Variants in RPGR observed in about 807,000 individuals in gnomAD.
The protein encoded by RPGR is retinitis pigmentosa GTPase regulator.
Under a neutral mutation model 56.3 loss-of-function variants are expected in RPGR, and 10 were observed. The ratio of observed to expected loss-of-function variants is 0.18; its 90% CI spans 0.11 to 0.30. RPGR has a LOEUF of 0.30. Among genes scored for constraint, RPGR ranks in the 10% least tolerant of loss-of-function variants. The probability of loss-of-function intolerance (pLI) is 1.00; values close to 1 mark genes in which losing one functional copy is unlikely to be tolerated. For synonymous variants in RPGR, 197 were observed against 212.9 expected (o/e 0.93, Z 0.65); for missense variants, 538 against 590.9 (o/e 0.91, Z 0.93).
rs1167508841 is a variant in RPGR, at chrX:38,269,519, CTT to C, written c.*105_*106del. Reference sequence around the variant, plus strand: ...AGAAGCTGAATAAAACATATTAAGTCTTATATCTTTTAAAGACTACTATCAGA... The same window carrying C: ...AGAAGCTGAATAAAACATATTAAGTCATATCTTTTAAAGACTACTATCAGA... On this transcript the variant is annotated 3_prime_UTR_variant, in exon 19 of 19. Transcript: ENST00000642395. The C allele has an allele frequency of 1.1e-5, 6 of 550,613 alleles. No homozygotes were observed. The highest frequency in any genetic ancestry group is 6.1e-5 in the Admixed American group (2 of 32,865). The allele number at this position is 550,613 out of a possible 1,213,427, so 45.4% of individuals were successfully genotyped here.
At chrX:38,312,189 T>G (rs1277235079) in intron 6 of RPGR, among the ~76,000 whole-genome samples, 1 of 111,776 alleles carries the variant, frequency 8.9e-6, no homozygotes, top group Non-Finnish European at 1.9e-5. Flanking sequence ...TGAAGTTTTA[T>G]GGACCACAGT....
chrX:38,286,693 T>A, intron 15 of RPGR: 1 of 1,150,675 alleles, frequency 8.7e-7, no homozygotes, highest in Non-Finnish European at 1.2e-6. Flanking sequence ...TTCCTCCTTT[T>A]CACGTTCTCC....
chrX:38,285,985 CCCTCTCCTTCTT>C (rs2067130013), intron 15 of RPGR: 2 of 855,515 alleles, frequency 2.3e-6, no homozygotes, highest in Non-Finnish European at 3.0e-6. Flanking sequence ...TTCTTCCTCT[CCCTCTCCTTCTT>C]CCTCCCCTTC....
At chrX:38,276,489 T>C in intron 16 of RPGR, 2 of 836,037 alleles carry the variant, frequency 2.4e-6, no homozygotes, top group Non-Finnish European at 3.5e-6. Flanking sequence ...TGGGAGTATT[T>C]CTGATCCCAA....
chrX:38,322,153 G>A (rs1288751689), intron 3 of RPGR, among the ~76,000 whole-genome samples: 2 of 111,953 alleles, frequency 1.8e-5, no homozygotes, highest in East Asian at 5.5e-4. Context: ...GAAATTTTGA[G>A]CTGAAATTAA....
chrX:38,322,677 T>C (rs1451510387), intron 3 of RPGR, among the ~76,000 whole-genome samples, 176 bp downstream of exon 3: 1 of 112,326 alleles, frequency 8.9e-6, no homozygotes, highest in South Asian at 3.6e-4. Flanking sequence ...TTTTAGACCC[T>C]AACATATAAA....
At chrX:38,283,377 AT>A (rs2067066814) in intron 15 of RPGR, among the ~76,000 whole-genome samples, 2 of 111,990 alleles carry the variant, frequency 1.8e-5, no homozygotes, top group Non-Finnish European at 3.8e-5. Context: ...ATTGCAGAAA[AT>A]CTGGGTGTGA....
At chrX:38,275,037 A>G in intron 17 of RPGR, 1 of 962,642 alleles carries the variant, frequency 1.0e-6, no homozygotes, top group Non-Finnish European at 1.5e-6. Context: ...ATACACATAT[A>G]TATGTGTGTA....
At chrX:38,311,457 GT>G (rs1276162165) in intron 6 of RPGR, among the ~76,000 whole-genome samples, 2 of 111,819 alleles carry the variant, frequency 1.8e-5, no homozygotes, top group South Asian at 3.7e-4. Context: ...AAAACCTTGT[GT>G]AAGTATATGA....
At chrX:38,291,905 T>C (rs1226914941) in intron 11 of RPGR, among the ~76,000 whole-genome samples, 1 of 112,111 alleles carries the variant, frequency 8.9e-6, no homozygotes, top group African/African-American at 3.2e-5. Context: ...GCAGATGTAA[T>C]TGTGATAGCA....
intron 8 of RPGR, among the ~76,000 whole-genome samples, chrX:38,302,967 T>C (rs143682140): frequency 0.02 from 2,164 of 109,885 alleles, 38 homozygotes; most frequent in Middle Eastern, 0.042. Context: ...CGCGCTGCCA[T>C]GCTGGCTAAT....
intron 15 of RPGR, among the ~76,000 whole-genome samples, chrX:38,281,772 CACA>C (rs2067037429): frequency 8.9e-6 from 1 of 111,846 alleles, no homozygotes; most frequent in Non-Finnish European, 1.9e-5. Flanking sequence ...CCACCACCAC[CACA>C]ACTTTTCTAG....
chrX:38,299,176 T>C, intron 9 of RPGR, 35 bp from the exon 10 acceptor site: 2 of 1,184,580 alleles, frequency 1.7e-6, no homozygotes, highest in Non-Finnish European at 2.3e-6. Context: ...CTCATCAACA[T>C]TGGCTTCAAA....
chrX:38,286,946 C>T (rs1359767393), intron 15 of RPGR: 1 of 1,208,903 alleles, frequency 8.3e-7, no homozygotes, highest in East Asian at 3.0e-5. Flanking sequence ...CTCTCCATTT[C>T]TCCTCTACCC....
At chrX:38,303,121 T>G (rs2067534296) in intron 8 of RPGR, among the ~76,000 whole-genome samples, 1 of 111,686 alleles carries the variant, frequency 9.0e-6, no homozygotes, top group Admixed American at 9.5e-5. Flanking sequence ...TCAACCTGAT[T>G]TCTTTACCCA....
At position 38,286,772 on chromosome X, in the gene RPGR, CCTCCTCTTCTTCTCCTTCTCCATG is replaced by C. The variant is rs768423834; in HGVS notation, c.1905+298_1905+321del. ...TTCTCTTCTTCCTCTTCTCTGTCTCCCTCCTCTTCTTCTCCTTCTCCATGCTCCTCCTCCCCTCCCTCCTCCATC... is the reference window on the plus strand; with the variant it reads ...TTCTCTTCTTCCTCTTCTCTGTCTCCCTCCTCCTCCCCTCCCTCCTCCATC... On this transcript the variant is annotated intron_variant, in intron 15 of 18. Coordinates refer to ENST00000642395, the MANE Select transcript of RPGR (RefSeq NM_000328.3). 245 of 1,150,886 alleles carry C rather than the reference CCTCCTCTTCTTCTCCTTCTCCATG, an allele frequency of 2.1e-4. 1 individual carries two copies. Among genetic ancestry groups the C allele is most frequent in the Middle Eastern group, 5.4e-4 (2 of 3,736 alleles). The allele number at this position is 1,150,886 out of a possible 1,213,427, so 94.8% of individuals were successfully genotyped here.
At chrX:38,291,070 ATACTATATATTTGTATATAG>A in intron 12 of RPGR, 46 bp from the exon 13 acceptor site, 1 of 373,695 alleles carries the variant, frequency 2.7e-6, no homozygotes, top group Non-Finnish European at 4.0e-6. Flanking sequence ...TACAGTATAT[ATACTATATATTTGTATATAG>A]TACAAATATA....
intron 8 of RPGR, 134 bp from the exon 9 acceptor site, chrX:38,301,505 G>T (rs1307477067): frequency 3.7e-6 from 2 of 545,631 alleles, no homozygotes; most frequent in Non-Finnish European, 6.0e-6. Flanking sequence ...TTACTCTATT[G>T]ATCTTTCCAC....
intron 6 of RPGR, 110 bp downstream of exon 6, chrX:38,317,206 G>A: frequency 1.2e-6 from 1 of 801,287 alleles, no homozygotes; most frequent in Non-Finnish European, 1.9e-6. Flanking sequence ...TTCATTACAT[G>A]GACAACCATG....
Sources: allele counts gnomAD v4.1 joint callset (sites outside exome capture counted in the v4.1 genomes callset), GRCh38; gene constraint gnomAD v4.1.1; transcripts MANE v1.5; gene names NCBI Gene and HGNC (gene_info 2026-07-23, HGNC 2026-07-21).